Variants in MINDY2 observed in about 807,000 individuals in gnomAD.
MINDY2 encodes the protein ubiquitin carboxyl-terminal hydrolase MINDY-2.
In MINDY2, 52 loss-of-function variants were observed where a neutral mutation model predicts 68.2. The observed-to-expected ratio is 0.76, with a 90% CI of 0.61 to 0.96. MINDY2 has a LOEUF of 0.96. Ranked by LOEUF, MINDY2 falls within the 40% of genes least tolerant of loss-of-function variation. The probability of loss-of-function intolerance (pLI) is 0.00; values close to 1 mark genes in which losing one functional copy is unlikely to be tolerated. For missense variants in MINDY2, 881 were observed against 773.4 expected, an observed-to-expected ratio of 1.14 and a Z score of -1.65; for synonymous variants, 372 against 303.0, an observed-to-expected ratio of 1.23 and a Z score of -2.36.
chr15:58,778,711 C>T lies in MINDY2; in HGVS notation c.840+6476C>T, dbSNP rs546082899. ...GTGCAATCATGGCTCCGAATAGCCT[C>T]GACCTCCCGAGCTCAAGCAATCCTC... On this transcript the variant is annotated intron_variant, in intron 1 of 8. Coordinates refer to ENST00000559228, the MANE Select transcript of MINDY2 (RefSeq NM_001040450.3). 7.7e-4 allele frequency among the ~76,000 whole-genome samples: 117 copies of T among 151,870 alleles called. 1 individual carries two copies. The highest frequency in any genetic ancestry group is 2.2e-3 in the Admixed American group (34 of 15,244).
At chr15:58,840,049 G>C (rs1038822984) in intron 6 of MINDY2, among the ~76,000 whole-genome samples, 3 of 152,086 alleles carry the variant, frequency 2.0e-5, no homozygotes, top group Non-Finnish European at 4.4e-5. Flanking sequence ...GCCCAGCCTA[G>C]TCTCGAACTC....
intron 3 of MINDY2, among the ~76,000 whole-genome samples, chr15:58,805,372 A>G (rs1205573681): frequency 2.6e-5 from 4 of 152,230 alleles, no homozygotes; most frequent in Non-Finnish European, 2.9e-5. Context: ...CAGAGCTGCA[A>G]TATTCCCATT....
chr15:58,808,244 T>G (rs1223024112), intron 3 of MINDY2, among the ~76,000 whole-genome samples: 1 of 152,210 alleles, frequency 6.6e-6, no homozygotes, highest in Non-Finnish European at 1.5e-5. Flanking sequence ...GAGTCTATAA[T>G]TTACTCTTTC....
chr15:58,823,633 C>T (rs898393961), intron 5 of MINDY2, among the ~76,000 whole-genome samples: 3 of 151,928 alleles, frequency 2.0e-5, no homozygotes, highest in Admixed American at 1.3e-4. Context: ...CCACTACACT[C>T]CAGCCTGGGC....
Position 58,831,855 on chromosome 15 carries a change from A to C in MINDY2, c.1307A>C (p.Gln436Pro). Residue 436 changes from glutamine (Q) to proline (P), a missense_variant, in exon 6 of 9, where the codon CAG becomes CCG. Physicochemically the swap from Gln to Pro is moderately conservative, Grantham distance 76 (BLOSUM62 -1). Transcript: ENST00000559228. Reference protein sequence around the residue: ...HGLCELTSTVQEGELCVFFRN... With the variant: ...HGLCELTSTVPEGELCVFFRN... The stretch of plus-strand genomic sequence containing the variant: ...TTATGTGAACTAACTTCAACGGTTC[A>C]GGAAGGAGAACTTTGTGTGTTCTTT... 6 of 1,613,786 alleles carry C rather than the reference A, an allele frequency of 3.7e-6. No individual in the cohort carries two copies. The highest frequency in any genetic ancestry group is 5.1e-6 in the Non-Finnish European group (6 of 1,179,826).
rs1403315565 is a variant in MINDY2 at position 58,810,347 on chromosome 15, C to G, written c.1081C>G (p.Leu361Val). 5 of 1,611,164 alleles carry G rather than the reference C, an allele frequency of 3.1e-6. No homozygotes were observed. Among genetic ancestry groups the G allele is most frequent in the Admixed American group, 1.7e-5 (1 of 59,472 alleles). Residue 361 changes from leucine (L) to valine (V), a missense_variant, in exon 4 of 9, where the codon CTT (leucine) becomes GTT (valine). Transcript: ENST00000559228. ...ACCAGAATGCATAGTATTTGATCTT[C>G]TTGATATTCCTTTGTACCATGGGTG... ...YTPECIVFDL[L>V]DIPLYHGWLV... is the part of the protein sequence containing the mutation.
chr15:58,840,628 CTTATTATTATTA>C (rs71119408), intron 6 of MINDY2, among the ~76,000 whole-genome samples: 9,425 of 139,228 alleles, frequency 0.068, 400 homozygotes, highest in East Asian at 0.19. Flanking sequence ...TATTTATTTA[CTTATTATTATTA>C]TTATTATTAT....
chr15:58,847,326 G>C lies in MINDY2; in HGVS notation c.1398G>C (p.Gln466His), dbSNP rs1182725040. The C allele has an allele frequency of 1.3e-6, 2 of 1,587,898 alleles. No homozygotes were observed. ...KGQLYLLVTD[Q>H]GFLTEEKVVW... is the part of the protein sequence containing the mutation. ...AACTGTATTTGTTGGTAACGGACCA[G>C]GGGTTTCTTACTGAAGAGAAAGTTG... Residue 466 changes from glutamine (Q) to histidine (H), a missense_variant, in exon 7 of 9, where the codon CAG becomes CAC. Physicochemically the swap from Gln to His is conservative, Grantham distance 24. Coordinates refer to ENST00000559228, the MANE Select transcript of MINDY2 (RefSeq NM_001040450.3).
rs555945171 is a variant in MINDY2, at chr15:58,771,740, C to T, written c.345C>T (p.Ala115=). The change falls in exon 1 of 9, where the codon GCC becomes GCT. Residue 115 remains alanine (A), a synonymous_variant. Transcript: ENST00000559228. The part of the protein sequence containing the change: ...QYKVTASPET[A]VAGVGHELGT... ...AGGTGACCGCCTCCCCGGAGACAGC[C>T]GTGGCCGGAGTGGGTCATGAGTTGG... 4 of 1,611,742 alleles carry T rather than the reference C, an allele frequency of 2.5e-6. No homozygotes were observed. Among genetic ancestry groups the T allele is most frequent in the East Asian group, 4.5e-5 (2 of 44,848 alleles).
Position 58,772,026 on chromosome 15 carries a change from T to A in MINDY2, c.631T>A (p.Leu211Met). 4 of 1,593,896 alleles carry A rather than the reference T, an allele frequency of 2.5e-6. No homozygotes were observed. The South Asian group carries it at 4.5e-5, about 18-fold the overall frequency. The change falls in exon 1 of 9, where the codon TTG (leucine) becomes ATG (methionine). Residue 211 changes from leucine to methionine, a missense_variant. Leu to Met is a conservative substitution (Grantham distance 15). Coordinates refer to ENST00000559228, the MANE Select transcript of MINDY2 (RefSeq NM_001040450.3). ...TGAGGAGGAGGAGGGCGCGGCGGTG[T>A]TGCCCGGGGCTGTTCCTCTGTGCAA... Reference protein sequence around the residue: ...VPEEEEGAAVLPGAVPLCKEE... With the variant: ...VPEEEEGAAVMPGAVPLCKEE...
intron 3 of MINDY2, among the ~76,000 whole-genome samples, chr15:58,803,284 G>C (rs1297528292): frequency 6.6e-6 from 1 of 150,858 alleles, no homozygotes; most frequent in African/African-American, 2.4e-5. Flanking sequence ...TGTCAACATG[G>C]TGAAACCCCA....
intron 7 of MINDY2, among the ~76,000 whole-genome samples, chr15:58,850,173 C>G (rs1317623685): frequency 6.6e-6 from 1 of 152,086 alleles, no homozygotes; most frequent in Non-Finnish European, 1.5e-5. Flanking sequence ...TAAGTTAATG[C>G]TTGACCAAAA....
chr15:58,777,391 A>G (rs1347963194), intron 1 of MINDY2, among the ~76,000 whole-genome samples: 2 of 152,212 alleles, frequency 1.3e-5, no homozygotes, highest in Non-Finnish European at 2.9e-5. Flanking sequence ...TCTGGATGAG[A>G]AGTGACAGTA....
At chr15:58,837,650 C>G (rs1348471676) in intron 6 of MINDY2, among the ~76,000 whole-genome samples, 1 of 151,928 alleles carries the variant, frequency 6.6e-6, no homozygotes, top group Non-Finnish European at 1.5e-5. Context: ...TTTGAGAAAC[C>G]CTGATTTTGA....
intron 6 of MINDY2, among the ~76,000 whole-genome samples, chr15:58,837,517 C>T (rs2032049811): frequency 6.9e-6 from 1 of 145,510 alleles, no homozygotes; most frequent in African/African-American, 2.6e-5. Flanking sequence ...GAGGGTGAGG[C>T]TACAGTGAGC....
At chr15:58,853,819 T>TTA (rs1205689243) in intron 8 of MINDY2, among the ~76,000 whole-genome samples, 2 of 102,202 alleles carry the variant, frequency 2.0e-5, no homozygotes, top group African/African-American at 7.6e-5. Flanking sequence ...TCCATCTCAA[T>TTA]AAAAAAAAAA....
chr15:58,782,911 G>GTTTTTT (rs1157376592), intron 1 of MINDY2, among the ~76,000 whole-genome samples: 1,396 of 64,484 alleles, frequency 0.022, 272 homozygotes, highest in East Asian at 0.053. Context: ...TTTTCTCTCT[G>GTTTTTT]TTTTTTTTTT....
chr15:58,772,073 C>T lies in MINDY2; in HGVS notation c.678C>T (p.Thr226=), dbSNP rs199568863. 1 of 1,612,346 alleles carries T rather than the reference C, an allele frequency of 6.2e-7. No homozygotes were observed. The highest frequency in any genetic ancestry group is 8.5e-7 in the Non-Finnish European group (1 of 1,179,026). ...PLCKEEEGEE[T]AQVLAASKER... ...GCAAGGAGGAGGAGGGGGAGGAGAC[C>T]GCTCAGGTGCTGGCGGCCTCCAAGG... Residue 226 remains threonine (T), a synonymous_variant, in exon 1 of 9, where the codon ACC becomes ACT. Coordinates refer to ENST00000559228, the MANE Select transcript of MINDY2 (RefSeq NM_001040450.3).
At chr15:58,806,354 CTTTT>C (rs57824507) in intron 3 of MINDY2, among the ~76,000 whole-genome samples, 2 of 128,558 alleles carry the variant, frequency 1.6e-5, no homozygotes, top group South Asian at 2.5e-4. Context: ...AACGTGCCAA[CTTTT>C]TTTTTTTTTT....
Sources: allele counts gnomAD v4.1 joint callset (sites outside exome capture counted in the v4.1 genomes callset), GRCh38; gene constraint gnomAD v4.1.1; transcripts MANE v1.5; gene names NCBI Gene and HGNC (gene_info 2026-07-23, HGNC 2026-07-21).